The following FUBP1 variants were observed in gnomAD, a reference collection of about 807,000 sequenced individuals.
The protein encoded by FUBP1 is far upstream element-binding protein 1.
Under a neutral mutation model 94.9 loss-of-function variants are expected in FUBP1, and 16 were observed. The ratio of observed to expected loss-of-function variants is 0.17; its 90% CI spans 0.11 to 0.26. The LOEUF is 0.26. FUBP1 is among the 10% of genes least tolerant of loss of function. The pLI is 1.00. For missense variants in FUBP1, 583 were observed against 808.6 expected, an observed-to-expected ratio of 0.72 and a Z score of 3.38; for synonymous variants, 279 against 254.9, an observed-to-expected ratio of 1.09 and a Z score of -0.90.
intron 3 of FUBP1, 36 bp downstream of exon 3, chr1:77,968,128 AC>A: frequency 7.6e-7 from 1 of 1,313,810 alleles, no homozygotes; most frequent in Non-Finnish European, 1.1e-6. Flanking sequence ...TGAAATTGTT[AC>A]TTTAGCTTTT....
At chr1:77,975,117 T>C (rs189890337) in intron 1 of FUBP1, among the ~76,000 whole-genome samples, 5 of 152,368 alleles carry the variant, frequency 3.3e-5, no homozygotes, top group African/African-American at 1.2e-4. Flanking sequence ...TTCTAATATT[T>C]CTGATCCATG....
chr1:77,954,096 G>A (rs1351297378), intron 18 of FUBP1, among the ~76,000 whole-genome samples: 1 of 152,116 alleles, frequency 6.6e-6, no homozygotes. Flanking sequence ...AAGCAGCTGG[G>A]ACTACAAGTG....
intron 1 of FUBP1, among the ~76,000 whole-genome samples, chr1:77,970,786 T>C (rs139307853): frequency 9.8e-5 from 15 of 152,330 alleles, no homozygotes; most frequent in African/African-American, 3.6e-4. Context: ...GGCTCATGCC[T>C]GTAATCTTAG....
Position 77,966,971 on chromosome 1 carries a change from AAAAT to A in FUBP1, c.344-20_344-17del. On this transcript the variant is annotated splice_polypyrimidine_tract_variant and intron_variant, in intron 5 of 19. Transcript: ENST00000370768. ...CTGCCAATTACTAGTTAGAAAAAAA[AAAAT>A]TTTTTTTTTGGTTGAAAGATTCTAA... The A allele has an allele frequency of 1.9e-6, 3 of 1,591,348 alleles. No homozygotes were observed. Among genetic ancestry groups the A allele is most frequent in the Non-Finnish European group, 2.6e-6 (3 of 1,164,406 alleles).
chr1:77,954,249 C>T (rs1325982184), intron 18 of FUBP1, among the ~76,000 whole-genome samples: 1 of 152,260 alleles, frequency 6.6e-6, no homozygotes, highest in East Asian at 1.9e-4. Context: ...AAAAGGATCC[C>T]AGTTCAGAAA....
chr1:77,973,524 G>A (rs1216391807), intron 1 of FUBP1, among the ~76,000 whole-genome samples: 2 of 152,246 alleles, frequency 1.3e-5, no homozygotes, highest in African/African-American at 4.8e-5. Flanking sequence ...GGGATTACAG[G>A]CGTAAGCCAC....
At chr1:77,962,957 T>C in intron 13 of FUBP1, 27 bp from the exon 14 acceptor site, 1 of 1,583,390 alleles carries the variant, frequency 6.3e-7, no homozygotes, top group Non-Finnish European at 8.7e-7. Context: ...GTAATTTCTC[T>C]AAAGGTTTCA....
chr1:77,967,693 A>G, intron 3 of FUBP1, 27 bp from the exon 4 acceptor site: 2 of 1,374,160 alleles, frequency 1.5e-6, no homozygotes, highest in Non-Finnish European at 2.0e-6. Flanking sequence ...TAAAAATAAA[A>G]CAAAAATTCA....
At chr1:77,952,938 G>C (rs1316268695) in intron 18 of FUBP1, among the ~76,000 whole-genome samples, 2 of 151,944 alleles carry the variant, frequency 1.3e-5, no homozygotes, top group African/African-American at 4.8e-5. Context: ...AGGAGTTCGA[G>C]ACCAGCCTGG....
chr1:77,953,406 G>C (rs1031709798), intron 18 of FUBP1, among the ~76,000 whole-genome samples: 1 of 152,100 alleles, frequency 6.6e-6, no homozygotes, highest in African/African-American at 2.4e-5. Context: ...CCGGAGAATC[G>C]CTTGAACCTG....
chr1:77,949,337 T>C, intron 18 of FUBP1, 37 bp from the exon 19 acceptor site: 2 of 1,568,330 alleles, frequency 1.3e-6, no homozygotes, highest in Non-Finnish European at 1.8e-6. Flanking sequence ...GTAACCACAA[T>C]TATAAGCCCA....
chr1:77,975,193 A>T (rs1356223635), intron 1 of FUBP1, among the ~76,000 whole-genome samples: 1 of 152,204 alleles, frequency 6.6e-6, no homozygotes, highest in Non-Finnish European at 1.5e-5. Flanking sequence ...TAATTCATTA[A>T]AAATGTTTAT....
At chr1:77,953,455 C>T (rs1417608669) in intron 18 of FUBP1, among the ~76,000 whole-genome samples, 1 of 152,124 alleles carries the variant, frequency 6.6e-6, no homozygotes, top group Non-Finnish European at 1.5e-5. Flanking sequence ...TGCGCCACCG[C>T]ACTCCAGCCT....
At chr1:77,962,050 A>C (rs1328585281) in intron 14 of FUBP1, among the ~76,000 whole-genome samples, 1 of 152,178 alleles carries the variant, frequency 6.6e-6, no homozygotes, top group Non-Finnish European at 1.5e-5. Context: ...AATTCTAATA[A>C]TTTAAGATGC....
At chr1:77,949,376 T>C in intron 18 of FUBP1, 76 bp from the exon 19 acceptor site, 2 of 1,171,400 alleles carry the variant, frequency 1.7e-6, no homozygotes, top group Non-Finnish European at 2.5e-6. Flanking sequence ...AAACAATACC[T>C]TGCTTCTTGT....
chr1:77,963,541 G>A, intron 13 of FUBP1, 33 bp downstream of exon 13: 7 of 1,283,930 alleles, frequency 5.5e-6, no homozygotes, highest in Non-Finnish European at 1.1e-6. Context: ...AATGAATAAT[G>A]TGTTAAAACA....
intron 13 of FUBP1, 23 bp downstream of exon 13, chr1:77,963,551 A>T: frequency 7.1e-7 from 1 of 1,418,322 alleles, no homozygotes; most frequent in Non-Finnish European, 9.9e-7. Flanking sequence ...GTGTTAAAAC[A>T]TTAAGAGTTT....
intron 7 of FUBP1, among the ~76,000 whole-genome samples, chr1:77,966,113 G>T (rs1267268853): frequency 6.6e-6 from 1 of 152,236 alleles, no homozygotes; most frequent in Non-Finnish European, 1.5e-5. Context: ...GAAAGGGCTG[G>T]CTTTAGGCAC....
In FUBP1 at chr1:77,947,398, C is replaced by T; in HGVS notation, c.*1368G>A. ...CGTATGGCATTTGCATTATGTGGAACATTGACAAAAAGATACTGTTGCAGT... is the reference window on the plus strand; with the variant it reads ...CGTATGGCATTTGCATTATGTGGAATATTGACAAAAAGATACTGTTGCAGT... On this transcript the variant is annotated 3_prime_UTR_variant, in exon 20 of 20. Transcript: ENST00000370768. 7.4e-6 allele frequency: 4 copies of T among 539,186 alleles called. No homozygotes were observed. Among genetic ancestry groups the T allele is most frequent in the Non-Finnish European group, 1.4e-5 (4 of 287,454 alleles). 33.4% of individuals were successfully genotyped at this position (539,186 alleles called of 1,614,324 possible).
Sources: allele counts gnomAD v4.1 joint callset (sites outside exome capture counted in the v4.1 genomes callset), GRCh38; gene constraint gnomAD v4.1.1; transcripts MANE v1.5; gene names NCBI Gene and HGNC (gene_info 2026-07-23, HGNC 2026-07-21).